The following SDR42E1 variants were observed in gnomAD, a reference collection of about 807,000 sequenced individuals.
SDR42E1 encodes short-chain dehydrogenase/reductase family 42E member 1.
A neutral mutation model predicts 2.6 loss-of-function variants in SDR42E1; 5 were observed. The ratio of observed to expected loss-of-function variants is 1.94; its 90% CI spans 1.01 to 4.08. SDR42E1 has a LOEUF of 4.08. Ranked by LOEUF, SDR42E1 falls within the 30% of genes most tolerant of loss-of-function variation. The pLI, the probability that SDR42E1 is intolerant of heterozygous loss-of-function variation, is 0.00. For missense variants in SDR42E1, 596 were observed against 478.6 expected, an observed-to-expected ratio of 1.25 and a Z score of -2.29; for synonymous variants, 231 against 188.3, an observed-to-expected ratio of 1.23 and a Z score of -1.86.
chr16:82,007,093 C>G (rs1912964882), intron 1 of SDR42E1, among the ~76,000 whole-genome samples: 1 of 152,226 alleles, frequency 6.6e-6, no homozygotes, highest in Admixed American at 6.5e-5. Context: ...TATTTCCCAT[C>G]TGTTTCCCAA....
Position 81,997,544 on chromosome 16 carries a change from T to C in SDR42E1, c.*1567A>G, listed in dbSNP as rs535440996. On this transcript the variant is annotated 3_prime_UTR_variant, in exon 3 of 3. Transcript: ENST00000328945. ...ATTCAAGCAGTTCTAGAACAATACA[T>C]GGCAGGTGCTCATATGCGTTAACCC... The C allele has an allele frequency of 1.3e-5, 2 of 152,332 alleles. No homozygotes were observed. The highest frequency in any genetic ancestry group is 2.4e-5 in the African/African-American group (1 of 41,578). The allele number at this position is 152,332 out of a possible 1,614,324, so 9.4% of individuals were successfully genotyped here.
chr16:82,010,178 G>C (rs976286612), intron 1 of SDR42E1, among the ~76,000 whole-genome samples: 2 of 152,202 alleles, frequency 1.3e-5, no homozygotes, highest in African/African-American at 2.4e-5. Context: ...CATGAGAATG[G>C]ATTAATACAG....
rs1912693178 is a variant in SDR42E1, at chr16:81,999,959, T to C, written c.334A>G (p.Arg112Gly). 16 of 1,614,228 alleles carry C rather than the reference T, an allele frequency of 9.9e-6. No individual in the cohort carries two copies. Among genetic ancestry groups the C allele is most frequent in the Non-Finnish European group, 1.4e-5 (16 of 1,180,044 alleles). Reference protein sequence around the residue: ...GTDNILQVCQRRRVPRLVYTS... With the variant: ...GTDNILQVCQGRRVPRLVYTS... ...TAAACTAACCTGGGCACCCTTCTCC[T>C]TTGGCAAACCTGGAGGATGTTGTCT... is the stretch of plus-strand genomic sequence containing the variant. The change falls in exon 3 of 3, where the codon AGG becomes GGG. Residue 112 changes from arginine (R) to glycine (G), a missense_variant. By Grantham distance (125) the Arg-to-Gly change is moderately radical. Coordinates refer to ENST00000328945, the MANE Select transcript of SDR42E1 (RefSeq NM_145168.3).
Position 81,999,883 on chromosome 16 carries a change from T to C in SDR42E1, c.410A>G (p.Asp137Gly). The C allele has an allele frequency of 6.2e-7, 1 of 1,614,076 alleles. No individual in the cohort carries two copies. The highest frequency in any genetic ancestry group is 8.5e-7 in the Non-Finnish European group (1 of 1,180,018). ...IFGGQVIRNG[D>G]ESLPYLPLHL... ...AAGAGGCAGGTAGGGCAGAGATTCA[T>C]CCCCATTTCTGATAACTTGACCTCC... Residue 137 changes from aspartate to glycine, a missense_variant, in exon 3 of 3, where the codon GAT becomes GGT. By Grantham distance (94) the Asp-to-Gly change is moderately conservative (BLOSUM62 -1). Coordinates refer to ENST00000328945, the MANE Select transcript of SDR42E1 (RefSeq NM_145168.3).
At position 81,999,887 on chromosome 16, in the gene SDR42E1, C is replaced by A; in HGVS notation, c.406G>T (p.Gly136Trp). ...VIFGGQVIRN[G>W]DESLPYLPLH... is the part of the protein sequence containing the mutation. ...GGCAGGTAGGGCAGAGATTCATCCC[C>A]ATTTCTGATAACTTGACCTCCAAAG... The change falls in exon 3 of 3, where the codon GGG (glycine) becomes TGG (tryptophan). Residue 136 changes from glycine (G) to tryptophan (W), a missense_variant. By Grantham distance (184) the Gly-to-Trp change is radical. Coordinates refer to ENST00000328945, the MANE Select transcript of SDR42E1 (RefSeq NM_145168.3). 1 of 1,614,192 alleles carries A rather than the reference C, an allele frequency of 6.2e-7. No homozygotes were observed. Among genetic ancestry groups the A allele is most frequent in the Non-Finnish European group, 8.5e-7 (1 of 1,180,032 alleles).
intron 1 of SDR42E1, 129 bp from the exon 2 acceptor site, chr16:82,001,013 A>G: frequency 1.7e-6 from 1 of 589,206 alleles, no homozygotes; most frequent in Admixed American, 3.2e-5. Context: ...GGGTCTGGTC[A>G]CAGCTGTGTC....
At chr16:82,009,279 G>C (rs1003415293) in intron 1 of SDR42E1, among the ~76,000 whole-genome samples, 10 of 152,158 alleles carry the variant, frequency 6.6e-5, no homozygotes, top group Admixed American at 2.6e-4. Context: ...TGTGAGAAGA[G>C]AGCTACCATC....
In SDR42E1 at chr16:81,996,903, G is replaced by A. The variant is rs766080428; in HGVS notation, c.*2208C>T. The A allele has an allele frequency of 6.6e-6, 1 of 152,204 alleles. No individual in the cohort carries two copies. The highest frequency in any genetic ancestry group is 1.5e-5 in the Non-Finnish European group (1 of 68,064). The allele number at this position is 152,204 out of a possible 1,614,324, so 9.4% of individuals were successfully genotyped here. Reference sequence around the variant, plus strand: ...ACGGCTAACCTGTGTAAACACCCGAGACTGTGGAAACGACAGTGCATGGCT... The same window carrying A: ...ACGGCTAACCTGTGTAAACACCCGAAACTGTGGAAACGACAGTGCATGGCT... On this transcript the variant is annotated 3_prime_UTR_variant, in exon 3 of 3. Coordinates refer to ENST00000328945, the MANE Select transcript of SDR42E1 (RefSeq NM_145168.3).
In SDR42E1 at chr16:82,001,893, C is replaced by T. The variant is rs182397534; in HGVS notation, c.-26-1009G>A. ...CTCTAGCCTGGGCGACAGAGCAAGA[C>T]TCCATCTCAAAAAAAAAAAAAAAAA... On this transcript the variant is annotated intron_variant, in intron 1 of 2. Transcript: ENST00000328945. Among the ~76,000 whole-genome samples the T allele has an allele frequency of 4.1e-3, 583 of 140,660 alleles. 4 individuals are homozygous for T. The highest frequency in any genetic ancestry group is 0.015 in the African/African-American group (537 of 34,804). 92.3% of individuals were successfully genotyped at this position (140,660 alleles called of 152,430 possible).
At chr16:82,007,335 C>G (rs1446067549) in intron 1 of SDR42E1, among the ~76,000 whole-genome samples, 1 of 152,178 alleles carries the variant, frequency 6.6e-6, no homozygotes, top group Non-Finnish European at 1.5e-5. Flanking sequence ...GAATTAATAT[C>G]TAGTAATTGA....
rs763096244 is a variant in SDR42E1, at chr16:81,999,363, G to T, written c.930C>A (p.Phe310Leu). The change falls in exon 3 of 3, where the codon TTC (phenylalanine) becomes TTA (leucine). Residue 310 changes from phenylalanine (F) to leucine (L), a missense_variant. Coordinates refer to ENST00000328945, the MANE Select transcript of SDR42E1 (RefSeq NM_145168.3). ...TTTTGTAAACTTCAGTGCGAGTGAG[G>T]AAGGGCTGGAAGTTGTAGAGTCGAC... ...ILGRLYNFQPFLTRTEVYKTG... is the reference protein window; with the variant it reads ...ILGRLYNFQPLLTRTEVYKTG... The T allele has an allele frequency of 6.2e-7, 1 of 1,614,212 alleles. No homozygotes were observed. Among genetic ancestry groups the T allele is most frequent in the African/African-American group, 1.3e-5 (1 of 75,054 alleles).
chr16:81,999,969 C>T lies in SDR42E1; in HGVS notation c.324G>A (p.Gln108=), dbSNP rs372075795. 6.2e-7 allele frequency: 1 copy of T among 1,614,060 alleles called. No homozygotes were observed. The highest frequency in any genetic ancestry group is 8.5e-7 in the Non-Finnish European group (1 of 1,180,042). ...VNVRGTDNIL[Q]VCQRRRVPRL... is the part of the protein sequence containing the mutation. ...TGGGCACCCTTCTCCTTTGGCAAAC[C>T]TGGAGGATGTTGTCTGTGCCCCTGA... Residue 108 remains glutamine (Q), a synonymous_variant, in exon 3 of 3, where the codon CAG becomes CAA. Transcript: ENST00000328945.
At position 82,002,544 on chromosome 16, in the gene SDR42E1, T is replaced by C. The variant is rs193008579; in HGVS notation, c.-26-1660A>G. Among the ~76,000 whole-genome samples, 757 of 152,328 alleles carry C rather than the reference T, an allele frequency of 5.0e-3. 6 individuals are homozygous for C. The highest frequency in any genetic ancestry group is 7.8e-3 in the Non-Finnish European group (528 of 68,020). ...TTTAATAATCTTACTAGGAAAGTACTATTAGATCCTGTTTTTCAGCTGAGA... is the reference window on the plus strand; with the variant it reads ...TTTAATAATCTTACTAGGAAAGTACCATTAGATCCTGTTTTTCAGCTGAGA... On this transcript the variant is annotated intron_variant, in intron 1 of 2. Coordinates refer to ENST00000328945, the MANE Select transcript of SDR42E1 (RefSeq NM_145168.3).
rs887699572 is a variant in SDR42E1, at chr16:81,994,896, C to T, written c.*4215G>A. On this transcript the variant is annotated 3_prime_UTR_variant, in exon 3 of 3. Coordinates refer to ENST00000328945, the MANE Select transcript of SDR42E1 (RefSeq NM_145168.3). Reference sequence around the variant, plus strand: ...AATAAAACATTTTCTTGAAAAGAATCCCTAGGCCTATTCCCTAGGTTTGAG... The same window carrying T: ...AATAAAACATTTTCTTGAAAAGAATTCCTAGGCCTATTCCCTAGGTTTGAG... 6.6e-6 allele frequency: 1 copy of T among 152,128 alleles called. No homozygotes were observed. Among genetic ancestry groups the T allele is most frequent in the Non-Finnish European group, 1.5e-5 (1 of 68,006 alleles). The allele number at this position is 152,128 out of a possible 1,614,324, so 9.4% of individuals were successfully genotyped here. A position where few individuals can be genotyped will look rare whatever the true frequency, so the allele number is the denominator to read the frequency against.
In SDR42E1 at chr16:81,999,209, G is replaced by T; in HGVS notation, c.1084C>A (p.Arg362Ser). 1 of 1,614,170 alleles carries T rather than the reference G, an allele frequency of 6.2e-7. No homozygotes were observed. Among genetic ancestry groups the T allele is most frequent in the Non-Finnish European group, 8.5e-7 (1 of 1,180,028 alleles). ...AHGHGRSSGS[R>S]DSECFVWDGL... is the part of the protein sequence containing the mutation. ...TCCCAAACAAAACACTCCGAGTCAC[G>T]ACTTCCAGAACTTCTGCCATGACCA... Residue 362 changes from arginine to serine, a missense_variant, in exon 3 of 3, where the codon CGT becomes AGT. By Grantham distance (110) the Arg-to-Ser change is moderately radical. Coordinates refer to ENST00000328945, the MANE Select transcript of SDR42E1 (RefSeq NM_145168.3).
chr16:82,004,051 T>C lies in SDR42E1; in HGVS notation c.-26-3167A>G, dbSNP rs180755885. On this transcript the variant is annotated intron_variant, in intron 1 of 2. Coordinates refer to ENST00000328945, the MANE Select transcript of SDR42E1 (RefSeq NM_145168.3). ...AAGTGCCGGGTTATGAAATGAAAGA[T>C]ACAAACCCAAACGAGACAGAGGTCC... 4.6e-5 allele frequency among the ~76,000 whole-genome samples: 7 copies of C among 152,314 alleles called. No individual in the cohort carries two copies. In the East Asian group the frequency reaches 1.3e-3, roughly 29 times the overall value.
At position 81,999,536 on chromosome 16, in the gene SDR42E1, A is replaced by G; in HGVS notation, c.757T>C (p.Phe253Leu). 1 of 1,614,182 alleles carries G rather than the reference A, an allele frequency of 6.2e-7. No individual in the cohort carries two copies. The highest frequency in any genetic ancestry group is 8.5e-7 in the Non-Finnish European group (1 of 1,180,026). Residue 253 changes from phenylalanine to leucine, a missense_variant, in exon 3 of 3, where the codon TTC (phenylalanine) becomes CTC (leucine). Coordinates refer to ENST00000328945, the MANE Select transcript of SDR42E1 (RefSeq NM_145168.3). ...KGHIASGQPYFISDGRPVNNF... is the reference protein window; with the variant it reads ...KGHIASGQPYLISDGRPVNNF... ...TTCACGGGTCTGCCATCTGAGATGAAGTAGGGCTGCCCAGAGGCAATATGG... is the reference window on the plus strand; with the variant it reads ...TTCACGGGTCTGCCATCTGAGATGAGGTAGGGCTGCCCAGAGGCAATATGG...
In SDR42E1 at chr16:81,999,434, C is replaced by G; in HGVS notation, c.859G>C (p.Val287Leu). 4 of 1,614,142 alleles carry G rather than the reference C, an allele frequency of 2.5e-6. No individual in the cohort carries two copies. Among genetic ancestry groups the G allele is most frequent in the South Asian group, 1.1e-5 (1 of 91,078 alleles). The change falls in exon 3 of 3, where the codon GTC (valine) becomes CTC (leucine). Residue 287 changes from valine to leucine, a missense_variant. Transcript: ENST00000328945. ...TCTGTTAGAAAAGCAAAGCAGTAGA[C>G]CAAGGTCAATGGCAGGCGGGTAGAC... ...FPSTRLPLTL[V>L]YCFAFLTEMV...
intron 1 of SDR42E1, among the ~76,000 whole-genome samples, chr16:82,001,347 T>C (rs973352987): frequency 6.6e-6 from 1 of 152,078 alleles, no homozygotes; most frequent in Non-Finnish European, 1.5e-5. Context: ...TGCAGCATGG[T>C]TTAATACTGC....
Sources: allele counts gnomAD v4.1 joint callset (sites outside exome capture counted in the v4.1 genomes callset), GRCh38; gene constraint gnomAD v4.1.1; transcripts MANE v1.5; gene names NCBI Gene and HGNC (gene_info 2026-07-23, HGNC 2026-07-21).